POLE: variants seen among roughly 807,000 people sequenced by gnomAD.
POLE encodes the protein DNA polymerase epsilon catalytic subunit A.
A neutral mutation model predicts 279.2 loss-of-function variants in POLE; 188 were observed. The observed-to-expected ratio is 0.67, with a 90% CI of 0.60 to 0.76. The LOEUF (loss-of-function observed/expected upper bound fraction) is 0.76. Ranked by LOEUF, POLE falls within the 30% of genes least tolerant of loss-of-function variation. The pLI is 0.00. For synonymous variants in POLE, 1,214 were observed against 1,172.5 expected, an observed-to-expected ratio of 1.04 and a Z score of -0.72; for missense variants, 2,703 against 3,016.7, an observed-to-expected ratio of 0.90 and a Z score of 2.44.
At chr12:132,651,661 AAC>A (rs1270378285) in intron 29 of POLE, among the ~76,000 whole-genome samples, 1 of 152,232 alleles carries the variant, frequency 6.6e-6, no homozygotes, top group Non-Finnish European at 1.5e-5. Context: ...GCCCGTAATG[AAC>A]AGATTCCAGC....
intron 20 of POLE, among the ~76,000 whole-genome samples, chr12:132,666,370 C>A (rs2042797011): frequency 6.6e-6 from 1 of 152,234 alleles, no homozygotes; most frequent in Non-Finnish European, 1.5e-5. Context: ...GATAGATGAC[C>A]TGAGTTCAGG....
Position 132,642,893 on chromosome 12 carries a change from G to A in POLE, c.4655C>T (p.Thr1552Ile), listed in dbSNP as rs2138540530. 1 of 1,613,894 alleles carries A rather than the reference G, an allele frequency of 6.2e-7. No homozygotes were observed. Among genetic ancestry groups the A allele is most frequent in the South Asian group, 1.1e-5 (1 of 91,070 alleles). The change falls in exon 36 of 49, where the codon ACC (threonine) becomes ATC (isoleucine). Residue 1552 changes from threonine to isoleucine, a missense_variant. Around this residue, in one of 5 missense-constraint regions of POLE, gnomAD observed 1,551 missense variants for 1,686.1 expected, o/e 0.92. Coordinates refer to ENST00000320574, the MANE Select transcript of POLE (RefSeq NM_006231.4). The part of the protein sequence containing the change: ...GPELLPPPKH[T>I]FEVRAETDLK... Reference sequence around the variant, plus strand: ...GTCAGTTTCTGCCCGAACTTCGAAGGTGTGTTTGGGGGGTGGCAGGAGCTC... The same window carrying A: ...GTCAGTTTCTGCCCGAACTTCGAAGATGTGTTTGGGGGGTGGCAGGAGCTC...
chr12:132,647,846 C>G (rs911719928), intron 32 of POLE, among the ~76,000 whole-genome samples: 1 of 152,116 alleles, frequency 6.6e-6, no homozygotes, highest in African/African-American at 2.4e-5. Context: ...TCTTGTTATC[C>G]GCCCACCTCG....
chr12:132,632,233 G>T, intron 45 of POLE, 82 bp downstream of exon 45: 1 of 1,110,984 alleles, frequency 9.0e-7, no homozygotes, highest in Non-Finnish European at 1.3e-6. Flanking sequence ...ACGCATTACA[G>T]CCTCACCTTG....
chr12:132,643,786 C>A (rs781478240), intron 33 of POLE, 51 bp downstream of exon 33: 4 of 1,592,896 alleles, frequency 2.5e-6, no homozygotes, highest in Non-Finnish European at 3.4e-6. Context: ...TTCCTCCATA[C>A]CACCCTGCTG....
chr12:132,660,555 G>GT (rs2042655190), intron 25 of POLE: 1 of 155,052 alleles, frequency 6.4e-6, no homozygotes, highest in African/African-American at 2.4e-5. Flanking sequence ...GTAAATTAAG[G>GT]TATGTAAACT....
At chr12:132,631,407 A>C (rs907996547) in intron 45 of POLE, among the ~76,000 whole-genome samples, 1 of 152,214 alleles carries the variant, frequency 6.6e-6, no homozygotes, top group African/African-American at 2.4e-5. Flanking sequence ...AGTACATTTT[A>C]CTGTATATAA....
intron 6 of POLE, among the ~76,000 whole-genome samples, chr12:132,677,962 G>A (rs1237773862): frequency 1.3e-5 from 2 of 152,052 alleles, no homozygotes; most frequent in African/African-American, 2.4e-5. Context: ...CGGATCACCC[G>A]AGGTCAGGAG....
intron 25 of POLE, chr12:132,659,867 T>C (rs570140246): frequency 4.2e-6 from 1 of 236,528 alleles, no homozygotes; most frequent in African/African-American, 2.3e-5. Flanking sequence ...AATTTTTGTA[T>C]TTTTAGTAGA....
In POLE at chr12:132,648,962, G is replaced by A. The variant is rs1171373480; in HGVS notation, c.4116C>T (p.Val1372=). The change falls in exon 32 of 49, where the codon GTC becomes GTT. Residue 1372 remains valine, a synonymous_variant. Transcript: ENST00000320574. ...IPRVFYVNQR[V]AKAEEGASYR... is the part of the protein sequence containing the mutation. ...ACGAAGCACCCTCCTCCGCTTTAGC[G>A]ACTCGCTGGTTCACGTAGAACACAC... The A allele has an allele frequency of 6.8e-6, 11 of 1,613,842 alleles. No homozygotes were observed. Among genetic ancestry groups the A allele is most frequent in the Admixed American group, 6.7e-5 (4 of 59,984 alleles).
rs2136000426 is a variant in POLE, at chr12:132,673,675, C to A, written c.1259G>T (p.Gly420Val). The A allele has an allele frequency of 6.2e-7, 1 of 1,613,924 alleles. No homozygotes were observed. Among genetic ancestry groups the A allele is most frequent in the Non-Finnish European group, 8.5e-7 (1 of 1,179,944 alleles). Residue 420 changes from glycine (G) to valine (V), a missense_variant, in exon 13 of 49, where the codon GGC becomes GTC. Gly to Val is a moderately radical substitution (Grantham distance 109). This residue lies in a region of POLE where 1,011 missense variants were observed against 1,111.7 expected (regional missense o/e 0.91). Coordinates refer to ENST00000320574, the MANE Select transcript of POLE (RefSeq NM_006231.4). ...WVKRDSYLPV[G>V]SHNLKAAAKA... Reference sequence around the variant, plus strand: ...GGCGGCCGCCTTGAGATTATGACTGCCCACAGGAAGGTAACTGTCCCTCTT... The same window carrying A: ...GGCGGCCGCCTTGAGATTATGACTGACCACAGGAAGGTAACTGTCCCTCTT...
intron 20 of POLE, 150 bp downstream of exon 20, chr12:132,667,353 A>T (rs982189458): frequency 2.2e-5 from 18 of 812,350 alleles, no homozygotes; most frequent in African/African-American, 3.4e-5. Flanking sequence ...GTGGCCATCA[A>T]CTCTTCCAAG....
chr12:132,642,902 G>A lies in POLE; in HGVS notation c.4646C>T (p.Pro1549Leu), dbSNP rs577952179. ...TGCCCGAACTTCGAAGGTGTGTTTG[G>A]GGGGTGGCAGGAGCTCAGGGCCCAC... is the stretch of plus-strand genomic sequence containing the variant. ...EKVGPELLPP[P>L]KHTFEVRAET... The change falls in exon 36 of 49, where the codon CCC becomes CTC. Residue 1549 changes from proline to leucine, a missense_variant. By Grantham distance (98) the Pro-to-Leu change is moderately conservative. Coordinates refer to ENST00000320574, the MANE Select transcript of POLE (RefSeq NM_006231.4). The A allele has an allele frequency of 5.6e-6, 9 of 1,613,712 alleles. No homozygotes were observed. Among genetic ancestry groups the A allele is most frequent in the Admixed American group, 5.0e-5 (3 of 59,928 alleles).
rs2135973575 is a variant in POLE, at chr12:132,668,260, G to C, written c.2173+96C>G. 7.0e-7 allele frequency: 1 copy of C among 1,436,342 alleles called. No individual in the cohort carries two copies. Among genetic ancestry groups the C allele is most frequent in the East Asian group, 2.4e-5 (1 of 41,232 alleles). 89.0% of individuals were successfully genotyped at this position (1,436,342 alleles called of 1,614,324 possible). A position where few individuals can be genotyped will look rare whatever the true frequency, so the allele number is the denominator to read the frequency against. ...CTGGTCTGCTGTGACAACACCTCTG[G>C]GGCCCCAGCTGGGATGGACCAACGC... On this transcript the variant is annotated intron_variant, in intron 19 of 48. Transcript: ENST00000320574. The surrounding 1 kb of genome is among the most constrained non-coding windows in gnomAD (Gnocchi z 4.0).
chr12:132,679,986 C>A lies in POLE; in HGVS notation c.391G>T (p.Val131Leu), dbSNP rs745601745. 2.3e-5 allele frequency: 37 copies of A among 1,613,942 alleles called. No individual in the cohort carries two copies. In the Admixed American group the frequency reaches 6.2e-4, roughly 27 times the overall value. ...AGATCCTCTTTGGGGACAGTCTCCA[C>A]TTTTGCAATTTTGCCCTGAAACTTC... ...SKKFQGKIAKVETVPKEDLDL... is the reference protein window; with the variant it reads ...SKKFQGKIAKLETVPKEDLDL... Residue 131 changes from valine to leucine, a missense_variant, in exon 5 of 49, where the codon GTG becomes TTG. By Grantham distance (32) the Val-to-Leu change is conservative. This residue lies in a region of POLE where 1,011 missense variants were observed against 1,111.7 expected (regional missense o/e 0.91). Coordinates refer to ENST00000320574, the MANE Select transcript of POLE (RefSeq NM_006231.4).
At position 132,630,556 on chromosome 12, in the gene POLE, C is replaced by A. The variant is rs2041916382; in HGVS notation, c.6330+1759G>T. Among the ~76,000 whole-genome samples the A allele has an allele frequency of 2.6e-5, 4 of 152,092 alleles. 2 individuals are homozygous for A. The South Asian group carries it at 8.3e-4, about 31-fold the overall frequency. On this transcript the variant is annotated intron_variant, in intron 45 of 48. Transcript: ENST00000320574. Reference sequence around the variant, plus strand: ...CTTGAGGTCAGGAGTTCGAGACCAGCCTGGCCAACATGGTGAAACTCCGTC... The same window carrying A: ...CTTGAGGTCAGGAGTTCGAGACCAGACTGGCCAACATGGTGAAACTCCGTC...
rs1435346860 is a variant in POLE at position 132,683,129 on chromosome 12, AC to A, written c.63-1851del. On this transcript the variant is annotated intron_variant, in intron 1 of 48. Coordinates refer to ENST00000320574, the MANE Select transcript of POLE (RefSeq NM_006231.4). ...ACTTGTGGTAGGCAGGCAGGATGAC[AC>A]CCCCCATGAAAGACCCACATCCTAA... is the stretch of plus-strand genomic sequence containing the variant. Among the ~76,000 whole-genome samples, 4 of 152,024 alleles carry A rather than the reference AC, an allele frequency of 2.6e-5. No homozygotes were observed. In the East Asian group the frequency reaches 7.7e-4, roughly 29 times the overall value.
rs878854900 is a variant in POLE, at chr12:132,681,247, A to G, written c.95T>C (p.Leu32Pro). The G allele has an allele frequency of 5.6e-6, 9 of 1,614,084 alleles. No individual in the cohort carries two copies. In the East Asian group the frequency reaches 2.0e-4, roughly 36 times the overall value. The change falls in exon 2 of 49, where the codon CTC becomes CCC. Residue 32 changes from leucine to proline, a missense_variant. This residue lies in a region of POLE where 1,011 missense variants were observed against 1,111.7 expected (regional missense o/e 0.91). Coordinates refer to ENST00000320574, the MANE Select transcript of POLE (RefSeq NM_006231.4). ...CCACTGACTCCGTTCCAGGCGCTTGAGTGCCGAAACTGAGGAAGTGGCGCC... is the reference window on the plus strand; with the variant it reads ...CCACTGACTCCGTTCCAGGCGCTTGGGTGCCGAAACTGAGGAAGTGGCGCC... ...DDGATSSVSA[L>P]KRLERSQWTD... is the part of the protein sequence containing the mutation.
chr12:132,638,349 A>C (rs753806024), intron 40 of POLE: 16 of 363,346 alleles, frequency 4.4e-5, no homozygotes, highest in Non-Finnish European at 7.3e-5. Flanking sequence ...AAAAACAGGA[A>C]AAAATTAGCA....
Sources: allele counts gnomAD v4.1 joint callset (sites outside exome capture counted in the v4.1 genomes callset), GRCh38; gene constraint gnomAD v4.1.1; regional missense constraint gnomAD v4.1.1; non-coding constraint Gnocchi (gnomAD v3.1); transcripts MANE v1.5; gene names NCBI Gene and HGNC (gene_info 2026-07-23, HGNC 2026-07-21).